ZBTB20: variants seen among roughly 807,000 people sequenced by gnomAD.
ZBTB20 encodes zinc finger and BTB domain containing 20, also known as zinc finger and BTB domain-containing protein 20.
In ZBTB20, 9 loss-of-function variants were observed where a neutral mutation model predicts 56.9. The observed-to-expected ratio is 0.16, with a 90% CI of 0.10 to 0.28. ZBTB20 has a LOEUF of 0.28. Ranked by LOEUF, ZBTB20 falls within the 10% of genes least tolerant of loss-of-function variation. ZBTB20 has a pLI of 1.00. For missense variants in ZBTB20, 655 were observed against 1,003.0 expected, an observed-to-expected ratio of 0.65 and a Z score of 4.69; for synonymous variants, 417 against 420.7, an observed-to-expected ratio of 0.99 and a Z score of 0.11.
chr3:114,956,032 A>G (rs2077234984), intron 3 of ZBTB20, among the ~76,000 whole-genome samples: 1 of 152,216 alleles, frequency 6.6e-6, no homozygotes, highest in Admixed American at 6.5e-5. Context: ...CTAAAGATTT[A>G]GTATTAAATA....
intron 10 of ZBTB20, among the ~76,000 whole-genome samples, chr3:114,375,300 C>A (rs2083481808): frequency 6.6e-6 from 1 of 152,160 alleles, no homozygotes; most frequent in South Asian, 2.1e-4. Context: ...GCTACTAACG[C>A]CTTTCAATCA....
chr3:114,374,811 T>C (rs2083427732), intron 10 of ZBTB20, among the ~76,000 whole-genome samples: 1 of 152,244 alleles, frequency 6.6e-6, no homozygotes, highest in African/African-American at 2.4e-5. Flanking sequence ...CAAACAGAGA[T>C]CTTCAGTTAT....
At chr3:114,723,872 T>C (rs948799401) in intron 5 of ZBTB20, among the ~76,000 whole-genome samples, 3 of 152,114 alleles carry the variant, frequency 2.0e-5, no homozygotes, top group African/African-American at 7.2e-5. Context: ...TTTCCTTCTT[T>C]TCTTTTTTTT....
chr3:114,630,366 T>C (rs895903620), intron 6 of ZBTB20, among the ~76,000 whole-genome samples: 1 of 152,162 alleles, frequency 6.6e-6, no homozygotes, highest in African/African-American at 2.4e-5. Flanking sequence ...GGGAGCTGCA[T>C]CAGTAGCACC....
intron 6 of ZBTB20, among the ~76,000 whole-genome samples, chr3:114,594,807 T>C (rs1161876437): frequency 3.3e-5 from 5 of 152,152 alleles, no homozygotes; most frequent in Admixed American, 6.5e-5. Context: ...GTTTTGGCCG[T>C]GTAAAAAATT....
intron 4 of ZBTB20, among the ~76,000 whole-genome samples, chr3:114,852,646 T>G (rs1433764830): frequency 6.6e-6 from 1 of 152,226 alleles, no homozygotes; most frequent in Non-Finnish European, 1.5e-5. Flanking sequence ...TCTTGTATAA[T>G]TCTTCTTGTG....
chr3:115,050,905 T>C (rs545648957), intron 2 of ZBTB20, among the ~76,000 whole-genome samples: 51 of 152,168 alleles, frequency 3.4e-4, no homozygotes, highest in African/African-American at 1.2e-3. Flanking sequence ...AAAAACAAAG[T>C]CAATCCAAAA....
chr3:114,822,273 C>A (rs1378862519), intron 4 of ZBTB20, among the ~76,000 whole-genome samples: 1 of 151,922 alleles, frequency 6.6e-6, no homozygotes, highest in Non-Finnish European at 1.5e-5. Flanking sequence ...CTGGAAAAAT[C>A]TAATTGTTTT....
chr3:114,483,859 A>T (rs1272377522), intron 7 of ZBTB20, among the ~76,000 whole-genome samples: 1 of 152,070 alleles, frequency 6.6e-6, no homozygotes, highest in Non-Finnish European at 1.5e-5. Context: ...ACATAATTAT[A>T]GGCCACCTTT....
intron 3 of ZBTB20, among the ~76,000 whole-genome samples, chr3:114,915,401 T>C (rs9827199): frequency 0.29 from 43,262 of 151,786 alleles, 6,875 homozygotes; most frequent in East Asian, 0.64. Context: ...TTTGAATTTC[T>C]GTAGTATCAA....
At position 114,402,258 on chromosome 3, in the gene ZBTB20, T is replaced by C. The variant is rs553196052; in HGVS notation, c.-254-13153A>G. 4.2e-4 allele frequency among the ~76,000 whole-genome samples: 64 copies of C among 152,230 alleles called. No individual in the cohort carries two copies. In the South Asian group the frequency reaches 4.4e-3, roughly 10 times the overall value. On this transcript the variant is annotated intron_variant, in intron 7 of 11. Transcript: ENST00000675478. ...AGGCATATAAAAAGGAGTGATGAGA[T>C]GGTTATATGTCAAAATGGCTGTTCT...
intron 1 of ZBTB20, among the ~76,000 whole-genome samples, chr3:115,080,221 A>C (rs1028510182): frequency 6.6e-6 from 1 of 152,144 alleles, no homozygotes; most frequent in African/African-American, 2.4e-5. Flanking sequence ...GCAGCCCAGA[A>C]GAAGGTCTTC....
chr3:114,720,235 G>A (rs927875930), intron 5 of ZBTB20, among the ~76,000 whole-genome samples: 1 of 149,144 alleles, frequency 6.7e-6, no homozygotes, highest in South Asian at 2.1e-4. Flanking sequence ...ACAAGGTGTA[G>A]TCTCTATTAT....
chr3:114,996,034 G>A (rs975425503), intron 2 of ZBTB20, among the ~76,000 whole-genome samples: 1 of 151,752 alleles, frequency 6.6e-6, no homozygotes, highest in Non-Finnish European at 1.5e-5. Flanking sequence ...GATCAAAGAA[G>A]TTCCACAATA....
At position 115,130,688 on chromosome 3, in the gene ZBTB20, G is replaced by C. The variant is rs564952472; in HGVS notation, c.-703+16531C>G. On this transcript the variant is annotated intron_variant, in intron 1 of 11. Transcript: ENST00000675478. ...TATAAAGGAAAAAAACAATCTGCTT[G>C]GGTGCCAAGATTCAGAAATATGAAC... Among the ~76,000 whole-genome samples, 59 of 152,326 alleles carry C rather than the reference G, an allele frequency of 3.9e-4. No homozygotes were observed. In the South Asian group the frequency reaches 5.2e-3, roughly 13 times the overall value.
chr3:115,082,503 T>C (rs1207106348), intron 1 of ZBTB20, among the ~76,000 whole-genome samples: 2 of 152,070 alleles, frequency 1.3e-5, no homozygotes, highest in African/African-American at 4.8e-5. Context: ...CACACACAGA[T>C]AGTAAACTGC....
At chr3:114,523,946 C>CATTT (rs1413338919) in intron 6 of ZBTB20, among the ~76,000 whole-genome samples, 2 of 152,170 alleles carry the variant, frequency 1.3e-5, no homozygotes, top group Admixed American at 6.5e-5. Flanking sequence ...GAGAGTCATA[C>CATTT]ATTTGCTTGT....
At chr3:114,891,586 CTT>C (rs1347981031) in intron 4 of ZBTB20, among the ~76,000 whole-genome samples, 1 of 152,166 alleles carries the variant, frequency 6.6e-6, no homozygotes, top group Non-Finnish European at 1.5e-5. Flanking sequence ...TTTAGAAAAA[CTT>C]TGTAACATAA....
Position 114,324,142 on chromosome 3 carries a change from A to G in ZBTB20, c.*14863T>C, listed in dbSNP as rs2078986573. On this transcript the variant is annotated 3_prime_UTR_variant, in exon 12 of 12. Coordinates refer to ENST00000675478, the MANE Select transcript of ZBTB20 (RefSeq NM_001348800.3). ...ACCTATGTATTTTCTGTAAAACATTAAGCCAATAGGCAGAAAATAAAAGGA... is the reference window on the plus strand; with the variant it reads ...ACCTATGTATTTTCTGTAAAACATTGAGCCAATAGGCAGAAAATAAAAGGA... 6.6e-6 allele frequency: 1 copy of G among 152,194 alleles called. No homozygotes were observed. The highest frequency in any genetic ancestry group is 1.5e-5 in the Non-Finnish European group (1 of 68,038). 9.4% of individuals were successfully genotyped at this position (152,194 alleles called of 1,614,324 possible).
Sources: allele counts gnomAD v4.1 joint callset (sites outside exome capture counted in the v4.1 genomes callset), GRCh38; gene constraint gnomAD v4.1.1; transcripts MANE v1.5; gene names NCBI Gene and HGNC (gene_info 2026-07-23, HGNC 2026-07-21).